PCDHGB5: variants seen among roughly 807,000 people sequenced by gnomAD.
PCDHGB5 encodes protocadherin gamma subfamily B, 5.
PCDHGB5 carries 48 observed loss-of-function variants against 62.9 expected under a neutral mutation model. The observed-to-expected ratio is 0.76, with a 90% CI of 0.61 to 0.97. The LOEUF (loss-of-function observed/expected upper bound fraction) is 0.97. Among genes scored for constraint, PCDHGB5 ranks in the 50% least tolerant of loss-of-function variants. The pLI, the probability that PCDHGB5 is intolerant of heterozygous loss-of-function variation, is 0.00. For missense variants in PCDHGB5, 1,118 were observed against 1,198.6 expected (o/e 0.93, Z 0.99); for synonymous variants, 474 against 511.2 (o/e 0.93, Z 0.98).
At position 141,487,937 on chromosome 5, in the gene PCDHGB5, T is replaced by G; in HGVS notation, c.2398-6870T>G. 2 of 603,606 alleles carry G rather than the reference T, an allele frequency of 3.3e-6. No homozygotes were observed. The highest frequency in any genetic ancestry group is 2.9e-6 in the Non-Finnish European group (1 of 345,124). 37.4% of individuals were successfully genotyped at this position (603,606 alleles called of 1,614,324 possible). ...GGAGGCTACAGTGCACAGGGTACAG[T>G]GCACCAGGCAGTCACTTGGACAAAG... On this transcript the variant is annotated intron_variant, in intron 1 of 3. Transcript: ENST00000617380. The surrounding 1 kb of genome is among the most constrained non-coding windows in gnomAD (Gnocchi z 5.0).
rs1342481070 is a variant in PCDHGB5 at position 141,485,056 on chromosome 5, C to T, written c.2398-9751C>T. 8 of 840,338 alleles carry T rather than the reference C, an allele frequency of 9.5e-6. No homozygotes were observed. The Admixed American group carries it at 1.9e-4, about 20-fold the overall frequency. 52.1% of individuals were successfully genotyped at this position (840,338 alleles called of 1,614,324 possible). A position where few individuals can be genotyped will look rare whatever the true frequency, so the allele number is the denominator to read the frequency against. The stretch of plus-strand genomic sequence containing the variant: ...CGTAACCCTTGCGGCGCCGGCCGAA[C>T]CGCGCCAGAGCTGGCGCGGGGAAAG... On this transcript the variant is annotated intron_variant, in intron 1 of 3. Transcript: ENST00000617380. The surrounding 1 kb of genome is among the most constrained non-coding windows in gnomAD (Gnocchi z 5.7).
chr5:141,473,193 A>G (rs938175797), intron 1 of PCDHGB5, among the ~76,000 whole-genome samples: 2 of 152,232 alleles, frequency 1.3e-5, no homozygotes, highest in African/African-American at 4.8e-5. Flanking sequence ...GAGTAAATGT[A>G]TCTTCTAAAA....
chr5:141,490,517 C>T lies in PCDHGB5; in HGVS notation c.2398-4290C>T. 6.2e-7 allele frequency: 1 copy of T among 1,613,972 alleles called. No homozygotes were observed. The highest frequency in any genetic ancestry group is 2.2e-5 in the East Asian group (1 of 44,854). ...TCCCACTATATCATCGAGCTGCTGG[C>T]CAGCGATGCTGGTTCACCTTCCCTA... On this transcript the variant is annotated intron_variant, in intron 1 of 3. Coordinates refer to ENST00000617380, the MANE Select transcript of PCDHGB5 (RefSeq NM_018925.3). The surrounding 1 kb of genome is among the most constrained non-coding windows in gnomAD (Gnocchi z 5.4).
Position 141,486,638 on chromosome 5 carries a change from C to T in PCDHGB5, c.2398-8169C>T, listed in dbSNP as rs753730551. 5.6e-6 allele frequency: 9 copies of T among 1,613,700 alleles called. No homozygotes were observed. In the East Asian group the frequency reaches 8.9e-5, roughly 16 times the overall value. On this transcript the variant is annotated intron_variant, in intron 1 of 3. Coordinates refer to ENST00000617380, the MANE Select transcript of PCDHGB5 (RefSeq NM_018925.3). This position sits in a 1 kb window ranked among gnomAD's most constrained non-coding sequence, Gnocchi z 5.0. The stretch of plus-strand genomic sequence containing the variant: ...TGACCCAGACTCTGGCTTGAATGCG[C>T]TTATCTCCTACTCACTCCTGGAGCC...
intron 1 of PCDHGB5, chr5:141,421,488 G>C: frequency 3.1e-6 from 5 of 1,614,100 alleles, no homozygotes; most frequent in Non-Finnish European, 4.2e-6. Flanking sequence ...GCTTGATCAC[G>C]GCAGGCAGGA....
chr5:141,497,211 G>T (rs914346878), intron 2 of PCDHGB5, among the ~76,000 whole-genome samples: 12 of 28,538 alleles, frequency 4.2e-4, no homozygotes, highest in African/African-American at 1.1e-3. Context: ...GAGTGTAATG[G>T]GGGGGGGAAG....
chr5:141,477,502 C>A lies in PCDHGB5; in HGVS notation c.2398-17305C>A, dbSNP rs2099412065. On this transcript the variant is annotated intron_variant, in intron 1 of 3. Coordinates refer to ENST00000617380, the MANE Select transcript of PCDHGB5 (RefSeq NM_018925.3). This position sits in a 1 kb window ranked among gnomAD's most constrained non-coding sequence, Gnocchi z 4.9. ...CTCCACAATCTTCTCAATCTTCCTA[C>A]GACGTTTACATTGAAGAAAACAACC... The A allele has an allele frequency of 9.3e-6, 15 of 1,614,026 alleles. No homozygotes were observed. The highest frequency in any genetic ancestry group is 1.3e-5 in the Non-Finnish European group (15 of 1,180,026).
intron 1 of PCDHGB5, chr5:141,426,748 C>T: frequency 2.2e-6 from 1 of 455,172 alleles, no homozygotes; most frequent in African/African-American, 2.0e-5. Context: ...GGCCTGGAAT[C>T]TGCTATAGAT....
intron 1 of PCDHGB5, chr5:141,408,016 A>G (rs991619128): frequency 9.9e-7 from 1 of 1,014,516 alleles, no homozygotes; most frequent in Admixed American, 3.2e-5. Flanking sequence ...TGCGCAGCCA[A>G]CAACAGAAAG....
At chr5:141,471,444 A>G (rs1366430114) in intron 1 of PCDHGB5, 1 of 152,150 alleles carries the variant, frequency 6.6e-6, no homozygotes, top group Non-Finnish European at 1.5e-5. Context: ...AATCTCATGT[A>G]CCTTTTGAAA....
intron 1 of PCDHGB5, chr5:141,424,160 C>A (rs187420643): frequency 6.3e-4 from 172 of 273,324 alleles, no homozygotes; most frequent in South Asian, 2.2e-3. Flanking sequence ...CTCTCCTTCT[C>A]ATCTATCTAT....
Position 141,431,374 on chromosome 5 carries a change from GGCT to G in PCDHGB5, c.2397+30854_2397+30856del, listed in dbSNP as rs752583215. The G allele has an allele frequency of 1.7e-4, 275 of 1,613,980 alleles. No individual in the cohort carries two copies. Among genetic ancestry groups the G allele is most frequent in the Non-Finnish European group, 2.0e-4 (238 of 1,180,036 alleles). On this transcript the variant is annotated intron_variant, in intron 1 of 3. Coordinates refer to ENST00000617380, the MANE Select transcript of PCDHGB5 (RefSeq NM_018925.3). This position sits in a 1 kb window ranked among gnomAD's most constrained non-coding sequence, Gnocchi z 4.8. Reference sequence around the variant, plus strand: ...AACGCGCCCTGGACCGCGAAGAAAAGGCTGCTCACCACCTGGTCCTTACGGCCT... The same window carrying G: ...AACGCGCCCTGGACCGCGAAGAAAAGGCTCACCACCTGGTCCTTACGGCCT...
At chr5:141,472,507 T>G (rs919448316) in intron 1 of PCDHGB5, among the ~76,000 whole-genome samples, 2 of 151,872 alleles carry the variant, frequency 1.3e-5, no homozygotes, top group African/African-American at 4.8e-5. Context: ...GCCACTGCAC[T>G]CCAGCCTGGG....
At chr5:141,422,206 G>C (rs1269700250) in intron 1 of PCDHGB5, 2 of 1,562,442 alleles carry the variant, frequency 1.3e-6, no homozygotes, top group East Asian at 4.5e-5. Context: ...AGATGGTGGA[G>C]GTCTCTTTAC....
chr5:141,460,414 T>G (rs1289935272), intron 1 of PCDHGB5, among the ~76,000 whole-genome samples: 1 of 152,216 alleles, frequency 6.6e-6, no homozygotes, highest in Non-Finnish European at 1.5e-5. Context: ...GAGTTGATGT[T>G]TATGTATGGT....
At chr5:141,466,036 G>A (rs981390655) in intron 1 of PCDHGB5, among the ~76,000 whole-genome samples, 17 of 152,064 alleles carry the variant, frequency 1.1e-4, no homozygotes, top group Non-Finnish European at 2.5e-4. Flanking sequence ...GCAGGAGAAC[G>A]GCATGAACCC....
rs140199351 is a variant in PCDHGB5, at chr5:141,465,921, G to C, written c.2398-28886G>C. Among the ~76,000 whole-genome samples, 1,515 of 152,146 alleles carry C rather than the reference G, an allele frequency of 1.0e-2. 24 individuals carry two copies. The highest frequency in any genetic ancestry group is 0.034 in the African/African-American group (1,400 of 41,520). On this transcript the variant is annotated intron_variant, in intron 1 of 3. Transcript: ENST00000617380. ...GCAAATCACGAGGTCAGGATTTCGA[G>C]TCCATCCTGGCTAACATGGTGAAAC...
At position 141,489,135 on chromosome 5, in the gene PCDHGB5, G is replaced by T; in HGVS notation, c.2398-5672G>T. The T allele has an allele frequency of 1.4e-6, 1 of 725,448 alleles. No individual in the cohort carries two copies. The highest frequency in any genetic ancestry group is 2.1e-6 in the Non-Finnish European group (1 of 470,770). 44.9% of individuals were successfully genotyped at this position (725,448 alleles called of 1,614,324 possible). ...GCAAACCTCCGAGCAGTTTTTAAGA[G>T]GCTGGAAGGAGACATAAGAGACTTC... On this transcript the variant is annotated intron_variant, in intron 1 of 3. Coordinates refer to ENST00000617380, the MANE Select transcript of PCDHGB5 (RefSeq NM_018925.3). The surrounding 1 kb of genome is among the most constrained non-coding windows in gnomAD (Gnocchi z 4.5).
At chr5:141,498,588 A>G (rs1326073516) in intron 2 of PCDHGB5, among the ~76,000 whole-genome samples, 1 of 152,082 alleles carries the variant, frequency 6.6e-6, no homozygotes, top group Non-Finnish European at 1.5e-5. Context: ...GTTCTTCAGT[A>G]AACTTGGTTC....
Sources: allele counts gnomAD v4.1 joint callset (sites outside exome capture counted in the v4.1 genomes callset), GRCh38; gene constraint gnomAD v4.1.1; non-coding constraint Gnocchi (gnomAD v3.1); transcripts MANE v1.5; gene names NCBI Gene and HGNC (gene_info 2026-07-23, HGNC 2026-07-21).